Variants in CSMD1 observed in about 807,000 individuals in gnomAD.
CSMD1 encodes the protein CUB and Sushi multiple domains 1, also known as CUB and sushi domain-containing protein 1.
Under a neutral mutation model 417.5 loss-of-function variants are expected in CSMD1, and 213 were observed. That is an observed-to-expected ratio of 0.51 (90% CI 0.46 to 0.57). The LOEUF is 0.57. CSMD1 is among the 20% of genes least tolerant of loss of function. The pLI is 0.00. For missense variants in CSMD1, 6,923 were observed against 4,529.7 expected (o/e 1.53, Z -15.17); for synonymous variants, 2,862 against 1,736.8 (o/e 1.65, Z -16.11).
At chr8:4,899,534 C>T (rs1319543180) in intron 1 of CSMD1, among the ~76,000 whole-genome samples, 1 of 152,050 alleles carries the variant, frequency 6.6e-6, no homozygotes, top group Non-Finnish European at 1.5e-5. Context: ...AGCAAATGAG[C>T]GTATCTATAT....
intron 3 of CSMD1, among the ~76,000 whole-genome samples, chr8:4,361,716 G>A (rs1377113326): frequency 5.3e-5 from 8 of 152,258 alleles, no homozygotes; most frequent in South Asian, 2.1e-4. Flanking sequence ...AACACTTTGG[G>A]AGGCCGAAGT....
chr8:4,938,893 C>G (rs1807799388), intron 1 of CSMD1, among the ~76,000 whole-genome samples: 1 of 152,174 alleles, frequency 6.6e-6, no homozygotes, highest in Non-Finnish European at 1.5e-5. Context: ...CTGATGATTA[C>G]TGACGTTGAA....
chr8:4,438,203 G>T (rs1585074490), intron 2 of CSMD1, among the ~76,000 whole-genome samples: 1 of 152,130 alleles, frequency 6.6e-6, no homozygotes, highest in African/African-American at 2.4e-5. Context: ...AGATCGATCT[G>T]CAAGAAACTC....
chr8:4,224,711 G>C (rs1272379388), intron 3 of CSMD1, among the ~76,000 whole-genome samples: 5 of 152,190 alleles, frequency 3.3e-5, no homozygotes, highest in Non-Finnish European at 5.9e-5. Context: ...TACTAATATA[G>C]CTTCTTTTTT....
At chr8:3,872,157 T>G (rs945786357) in intron 5 of CSMD1, among the ~76,000 whole-genome samples, 2 of 152,220 alleles carry the variant, frequency 1.3e-5, no homozygotes, top group Admixed American at 6.5e-5. Context: ...TTTTAACCCG[T>G]GTTTGGATCC....
rs1177568729 is a variant in CSMD1 at position 3,931,509 on chromosome 8, C to T, written c.818+66394G>A. ...TAAAAGGCATAAAAGCTCATACTTT[C>T]TCCAATTTCATTGAATTACAGTAAA... On this transcript the variant is annotated intron_variant, in intron 5 of 69. Transcript: ENST00000635120. Among the ~76,000 whole-genome samples, 2 of 150,210 alleles carry T rather than the reference C, an allele frequency of 1.3e-5. 1 individual carries two copies. Among genetic ancestry groups the T allele is most frequent in the African/African-American group, 4.9e-5 (2 of 40,704 alleles).
chr8:3,508,848 C>T (rs966828254), intron 10 of CSMD1, among the ~76,000 whole-genome samples: 3 of 152,198 alleles, frequency 2.0e-5, no homozygotes, highest in Admixed American at 2.0e-4. Flanking sequence ...CTCTCCTACA[C>T]TGGGAAACGG....
At chr8:4,689,270 C>T in intron 1 of CSMD1, among the ~76,000 whole-genome samples, 1 of 152,128 alleles carries the variant, frequency 6.6e-6, no homozygotes, top group East Asian at 1.9e-4. Context: ...CAAAGTTCAC[C>T]AGCTCCCTAA....
At chr8:3,535,562 A>G (rs1229297613) in intron 10 of CSMD1, among the ~76,000 whole-genome samples, 1 of 152,152 alleles carries the variant, frequency 6.6e-6, no homozygotes. Context: ...GTGGGTAGGA[A>G]GAAGAAGGAT....
chr8:4,483,031 C>A (rs1328503917), intron 2 of CSMD1, among the ~76,000 whole-genome samples: 1 of 152,144 alleles, frequency 6.6e-6, no homozygotes, highest in Non-Finnish European at 1.5e-5. Context: ...TGCGTCCCCA[C>A]CGAAATCTCA....
intron 25 of CSMD1, among the ~76,000 whole-genome samples, chr8:3,294,921 T>C (rs897096300): frequency 1.3e-5 from 2 of 152,116 alleles, no homozygotes; most frequent in Non-Finnish European, 2.9e-5. Flanking sequence ...TCATTCATGC[T>C]GGGAGCTGTA....
chr8:4,366,749 G>A (rs1487062509), intron 3 of CSMD1, among the ~76,000 whole-genome samples: 1 of 152,014 alleles, frequency 6.6e-6, no homozygotes, highest in African/African-American at 2.4e-5. Context: ...GGGTACATGT[G>A]AACAACGTGC....
chr8:4,795,573 G>A (rs143912127), intron 1 of CSMD1, among the ~76,000 whole-genome samples: 2 of 151,942 alleles, frequency 1.3e-5, no homozygotes, highest in Non-Finnish European at 2.9e-5. Flanking sequence ...GCTTTCTTAA[G>A]CTTTTTTTCA....
At chr8:3,448,780 C>T (rs1263589046) in intron 12 of CSMD1, among the ~76,000 whole-genome samples, 2 of 152,120 alleles carry the variant, frequency 1.3e-5, no homozygotes, top group Non-Finnish European at 1.5e-5. Context: ...ACACTTCAGG[C>T]AATAGTGAGT....
chr8:4,184,184 T>G (rs1351015881), intron 3 of CSMD1, among the ~76,000 whole-genome samples: 4 of 152,204 alleles, frequency 2.6e-5, no homozygotes, highest in Admixed American at 2.6e-4. Flanking sequence ...AATGTTATAT[T>G]AAATCTGTGT....
At chr8:4,846,855 A>T (rs1031731313) in intron 1 of CSMD1, among the ~76,000 whole-genome samples, 1 of 152,192 alleles carries the variant, frequency 6.6e-6, no homozygotes, top group Non-Finnish European at 1.5e-5. Context: ...TATATCAACT[A>T]TATCTGTAAA....
At chr8:4,974,282 T>G (rs1423700454) in intron 1 of CSMD1, among the ~76,000 whole-genome samples, 1 of 151,900 alleles carries the variant, frequency 6.6e-6, no homozygotes, top group Non-Finnish European at 1.5e-5. Flanking sequence ...TGTCTCCACC[T>G]CCCAAAGTGC....
intron 1 of CSMD1, among the ~76,000 whole-genome samples, chr8:4,862,705 G>C (rs979768008): frequency 6.6e-6 from 1 of 152,080 alleles, no homozygotes; most frequent in Non-Finnish European, 1.5e-5. Context: ...AAGGCCATGG[G>C]AGGAACTGTT....
At chr8:4,255,959 A>G (rs973807548) in intron 3 of CSMD1, among the ~76,000 whole-genome samples, 5 of 152,154 alleles carry the variant, frequency 3.3e-5, no homozygotes, top group Non-Finnish European at 7.3e-5. Context: ...GTGGTGTCCA[A>G]TAAAGCTTTG....
Sources: gnomAD v4.1 joint callset for allele counts (sites outside exome capture counted in the v4.1 genomes callset) on GRCh38, gnomAD v4.1.1 for gene constraint, MANE v1.5 for transcripts, NCBI Gene and HGNC (gene_info 2026-07-23, HGNC 2026-07-21) for gene names.